Variants in AURKB observed in about 807,000 individuals in gnomAD.
AURKB encodes aurora kinase B-Sv1.
A neutral mutation model predicts 36.5 loss-of-function variants in AURKB; 28 were observed. That is an observed-to-expected ratio of 0.77 (90% CI 0.57 to 1.05). The LOEUF (loss-of-function observed/expected upper bound fraction) is 1.05. Ranked by LOEUF, AURKB falls within the 50% of genes least tolerant of loss-of-function variation. The probability of loss-of-function intolerance (pLI) is 0.00; values close to 1 mark genes in which losing one functional copy is unlikely to be tolerated. For synonymous variants in AURKB, 175 were observed against 172.9 expected, an observed-to-expected ratio of 1.01 and a Z score of -0.09; for missense variants, 383 against 447.4, an observed-to-expected ratio of 0.86 and a Z score of 1.30.
rs1475402631 is a variant in AURKB, at chr17:8,206,191, C to T, written c.686+300G>A. ...TGTCACACAGGCTGGAGTGCAATGG[C>T]GTAATCTCGGCTCACTGCAACCTCC... is the stretch of plus-strand genomic sequence containing the variant. On this transcript the variant is annotated intron_variant, in intron 7 of 8. Coordinates refer to ENST00000585124, the MANE Select transcript of AURKB (RefSeq NM_004217.4). This position sits in a 1 kb window ranked among gnomAD's most constrained non-coding sequence, Gnocchi z 4.2. 1.4e-5 allele frequency among the ~76,000 whole-genome samples: 2 copies of T among 144,162 alleles called. No individual in the cohort carries two copies. Among genetic ancestry groups the T allele is most frequent in the South Asian group, 2.2e-4 (1 of 4,534 alleles). 94.6% of individuals were successfully genotyped at this position (144,162 alleles called of 152,430 possible).
Position 8,207,157 on chromosome 17 carries a change from A to G in AURKB, c.398+19T>C. ...TGAGGGAGCAGAGGGGCTTCGGCTC[A>G]GGGGGCATCAACCCATACTGCAGGT... On this transcript the variant is annotated intron_variant, in intron 5 of 8. Transcript: ENST00000585124. The G allele has an allele frequency of 6.2e-7, 1 of 1,606,026 alleles. No individual in the cohort carries two copies. The highest frequency in any genetic ancestry group is 8.5e-7 in the Non-Finnish European group (1 of 1,174,288).
rs1341490132 is a variant in AURKB, at chr17:8,206,750, C to T, written c.537G>A (p.Thr179=). 4 of 1,613,770 alleles carry T rather than the reference C, an allele frequency of 2.5e-6. No individual in the cohort carries two copies. The highest frequency in any genetic ancestry group is 3.3e-5 in the Admixed American group (2 of 60,020). ...GCCCCAGGTGCCCACCCGCCCGGAC[C>T]GTGGCTGTTCGCTGCTCGTCAAATG... is the stretch of plus-strand genomic sequence containing the variant. The part of the protein sequence containing the change: ...SCTFDEQRTA[T]IMEELADALM... The change falls in exon 6 of 9, where the codon ACG becomes ACA. Residue 179 remains threonine, a splice_region_variant and synonymous_variant. Coordinates refer to ENST00000585124, the MANE Select transcript of AURKB (RefSeq NM_004217.4). The surrounding 1 kb of genome is among the most constrained non-coding windows in gnomAD (Gnocchi z 4.2).
chr17:8,208,048 T>C, intron 2 of AURKB: 1 of 454,824 alleles, frequency 2.2e-6, no homozygotes. Flanking sequence ...AACCTAGGGC[T>C]GGGCGCAGTG....
Position 8,207,382 on chromosome 17 carries a change from G to A in AURKB, c.207-15C>T. 1 of 1,609,758 alleles carries A rather than the reference G, an allele frequency of 6.2e-7. No homozygotes were observed. On this transcript the variant is annotated splice_polypyrimidine_tract_variant and intron_variant, in intron 4 of 8. Coordinates refer to ENST00000585124, the MANE Select transcript of AURKB (RefSeq NM_004217.4). ...TGAAGTGCCGCCTGCTTAGAAAGTGGAGGAAGGCAACTCAGAACCGGTTTT... is the reference window on the plus strand; with the variant it reads ...TGAAGTGCCGCCTGCTTAGAAAGTGAAGGAAGGCAACTCAGAACCGGTTTT...
At position 8,207,571 on chromosome 17, in the gene AURKB, G is replaced by T. The variant is rs146036524; in HGVS notation, c.206C>A (p.Thr69Lys). Residue 69 changes from threonine (T) to lysine (K), a missense_variant and splice_region_variant, in exon 4 of 9, where the codon ACG becomes AAG. Physicochemically the swap from Thr to Lys is moderately conservative, Grantham distance 78. This residue lies in a region of AURKB where 105 missense variants were observed against 95.7 expected (regional missense o/e 1.10). Coordinates refer to ENST00000585124, the MANE Select transcript of AURKB (RefSeq NM_004217.4). ...CCACCCCCAGGCTTGGGGCACTTAC[G>T]TTAAGATGTCGGGTGTCCCACTGCT... ...ENSSGTPDIL[T>K]RHFTIDDFEI... The T allele has an allele frequency of 1.2e-4, 201 of 1,613,204 alleles. No homozygotes were observed. Among genetic ancestry groups the T allele is most frequent in the Non-Finnish European group, 1.6e-4 (193 of 1,179,490 alleles).
Position 8,206,979 on chromosome 17 carries a change from G to A in AURKB, c.399-91C>T, listed in dbSNP as rs2151472264. 1 of 1,579,854 alleles carries A rather than the reference G, an allele frequency of 6.3e-7. No homozygotes were observed. The highest frequency in any genetic ancestry group is 8.6e-7 in the Non-Finnish European group (1 of 1,161,822). ...CAAACTGGGGTCAGACGTGGCCCAG[G>A]CCGGGGACACCAGGGCTGGGAGTGG... On this transcript the variant is annotated intron_variant, in intron 5 of 8. Transcript: ENST00000585124. This position sits in a 1 kb window ranked among gnomAD's most constrained non-coding sequence, Gnocchi z 4.2.
intron 1 of AURKB, 115 bp downstream of exon 1, chr17:8,210,414 GT>G: frequency 1.6e-6 from 1 of 624,086 alleles, no homozygotes; most frequent in Non-Finnish European, 2.8e-6. Flanking sequence ...CCCTGCTATC[GT>G]CCCTACCTCC....
rs757475247 is a variant in AURKB, at chr17:8,206,455, CCT to C, written c.686+34_686+35del. Reference sequence around the variant, plus strand: ...CCCTGGAGAGGTTTTAATGGCCCAGCCTCACACCCAGGTCTGGCCTCCCAGGC... The same window carrying C: ...CCCTGGAGAGGTTTTAATGGCCCAGCCACACCCAGGTCTGGCCTCCCAGGC... On this transcript the variant is annotated intron_variant, in intron 7 of 8. Transcript: ENST00000585124. The surrounding 1 kb of genome is among the most constrained non-coding windows in gnomAD (Gnocchi z 4.2). 1 of 1,612,586 alleles carries C rather than the reference CCT, an allele frequency of 6.2e-7. No homozygotes were observed. Among genetic ancestry groups the C allele is most frequent in the Non-Finnish European group, 8.5e-7 (1 of 1,179,442 alleles).
chr17:8,210,368 C>A (rs995243561), intron 1 of AURKB, 119 bp from the exon 2 acceptor site: 7 of 737,074 alleles, frequency 9.5e-6, no homozygotes, highest in Non-Finnish European at 1.4e-5. Context: ...GGTCAGCACA[C>A]TAGCCCCAAT....
chr17:8,207,130 G>A, intron 5 of AURKB, 46 bp downstream of exon 5: 2 of 1,582,204 alleles, frequency 1.3e-6, no homozygotes, highest in South Asian at 1.1e-5. Context: ...AGGAGCTGGG[G>A]GTGAGGGAGC....
intron 2 of AURKB, among the ~76,000 whole-genome samples, chr17:8,209,624 T>A (rs900338659): frequency 3.3e-5 from 5 of 152,122 alleles, no homozygotes; most frequent in Non-Finnish European, 7.3e-5. Context: ...TAGACCCACA[T>A]ATATGTGGGA....
intron 5 of AURKB, 48 bp downstream of exon 5, chr17:8,207,128 G>C: frequency 6.3e-7 from 1 of 1,579,318 alleles, no homozygotes; most frequent in Non-Finnish European, 8.6e-7. Context: ...TGAGGAGCTG[G>C]GGGTGAGGGA....
At chr17:8,207,941 A>G in intron 2 of AURKB, 101 bp from the exon 3 acceptor site, 1 of 860,154 alleles carries the variant, frequency 1.2e-6, no homozygotes, top group Non-Finnish European at 1.8e-6. Flanking sequence ...AGAGCCACCC[A>G]CCCACCTACC....
Position 8,206,429 on chromosome 17 carries a change from C to T in AURKB, c.686+62G>A, listed in dbSNP as rs1303284533. 7 of 1,602,254 alleles carry T rather than the reference C, an allele frequency of 4.4e-6. No individual in the cohort carries two copies. In the East Asian group the frequency reaches 1.6e-4, roughly 36 times the overall value. Reference sequence around the variant, plus strand: ...TACAGGTGTGAGCCACGGTGCACGGCCCCTGGAGAGGTTTTAATGGCCCAG... The same window carrying T: ...TACAGGTGTGAGCCACGGTGCACGGTCCCTGGAGAGGTTTTAATGGCCCAG... On this transcript the variant is annotated intron_variant, in intron 7 of 8. Transcript: ENST00000585124. The surrounding 1 kb of genome is among the most constrained non-coding windows in gnomAD (Gnocchi z 4.2).
intron 4 of AURKB, 91 bp downstream of exon 4, chr17:8,207,480 T>A: frequency 6.4e-7 from 1 of 1,565,204 alleles, no homozygotes; most frequent in Non-Finnish European, 8.7e-7. Flanking sequence ...TCTTCATCCC[T>A]ACTCCTCCCG....
At chr17:8,210,066 T>C in intron 2 of AURKB, 111 bp downstream of exon 2, 3 of 1,409,952 alleles carry the variant, frequency 2.1e-6, no homozygotes, top group Non-Finnish European at 3.0e-6. Flanking sequence ...CTTTGGAGCA[T>C]AACGGGGAAG....
At chr17:8,207,115 G>T in intron 5 of AURKB, 61 bp downstream of exon 5, 1 of 1,558,274 alleles carries the variant, frequency 6.4e-7, no homozygotes. Context: ...AAGTGGGGCT[G>T]AATGAGGAGC....
In AURKB at chr17:8,206,981, C is replaced by G. The variant is rs764652330; in HGVS notation, c.399-93G>C. The G allele has an allele frequency of 2.5e-6, 4 of 1,580,150 alleles. No homozygotes were observed. Among genetic ancestry groups the G allele is most frequent in the South Asian group, 2.3e-5 (2 of 88,010 alleles). On this transcript the variant is annotated intron_variant, in intron 5 of 8. Transcript: ENST00000585124. The surrounding 1 kb of genome is among the most constrained non-coding windows in gnomAD (Gnocchi z 4.2). ...AACTGGGGTCAGACGTGGCCCAGGC[C>G]GGGGACACCAGGGCTGGGAGTGGTA...
chr17:8,205,500 G>T (rs1468050474), intron 7 of AURKB, 110 bp from the exon 8 acceptor site: 5 of 1,389,090 alleles, frequency 3.6e-6, no homozygotes, highest in Middle Eastern at 2.2e-4. Flanking sequence ...CAGGGGAGAG[G>T]TCCAGCCAGG....
Sources: gnomAD v4.1 joint callset for allele counts (sites outside exome capture counted in the v4.1 genomes callset) on GRCh38, gnomAD v4.1.1 for gene constraint, gnomAD v4.1.1 regional missense constraint, Gnocchi (gnomAD v3.1) non-coding constraint, MANE v1.5 for transcripts, NCBI Gene and HGNC (gene_info 2026-07-23, HGNC 2026-07-21) for gene names.